AGBL1: variants seen among roughly 807,000 people sequenced by gnomAD.
AGBL1 encodes the protein cytosolic carboxypeptidase 4.
In AGBL1, 130 loss-of-function variants were observed where a neutral mutation model predicts 118.9. That is an observed-to-expected ratio of 1.09 (90% CI 0.95 to 1.26). AGBL1 has a LOEUF of 1.26. AGBL1 is among the 50% of genes most tolerant of loss of function. AGBL1 has a pLI of 0.00. For synonymous variants in AGBL1, 555 were observed against 478.9 expected (o/e 1.16, Z -2.08); for missense variants, 1,584 against 1,298.1 (o/e 1.22, Z -3.38).
At position 86,620,153 on chromosome 15, in the gene AGBL1, G is replaced by A. The variant is rs577205581; in HGVS notation, c.2995-54120G>A. Among the ~76,000 whole-genome samples, 5 of 152,268 alleles carry A rather than the reference G, an allele frequency of 3.3e-5. No homozygotes were observed. The East Asian group carries it at 5.8e-4, about 18-fold the overall frequency. ...CCACAAAATTGGTGGTGTCAGGTAC[G>A]ATTCCCATAAGTAGAAGATGAAAAG... is the stretch of plus-strand genomic sequence containing the variant. On this transcript the variant is annotated intron_variant, in intron 21 of 22. Coordinates refer to ENST00000614907, the MANE Select transcript of AGBL1 (RefSeq NM_001386094.1).
At chr15:86,197,357 G>A (rs867234904) in intron 5 of AGBL1, among the ~76,000 whole-genome samples, 1 of 152,200 alleles carries the variant, frequency 6.6e-6, no homozygotes, top group Non-Finnish European at 1.5e-5. Flanking sequence ...TGGAAAGAAC[G>A]TTGGTAGAAG....
chr15:86,084,275 G>GT (rs1328290882), intron 1 of AGBL1, among the ~76,000 whole-genome samples: 2 of 152,122 alleles, frequency 1.3e-5, no homozygotes, highest in Admixed American at 1.3e-4. Context: ...TTGGTGTTTT[G>GT]TTTTTTAAGA....
chr15:86,276,603 T>C (rs759627543), intron 15 of AGBL1, among the ~76,000 whole-genome samples: 3 of 152,134 alleles, frequency 2.0e-5, no homozygotes, highest in Non-Finnish European at 4.4e-5. Context: ...GTCCTTGCCA[T>C]AAAGTATTGG....
chr15:86,169,299 T>C (rs931991970), intron 5 of AGBL1, among the ~76,000 whole-genome samples: 3 of 152,174 alleles, frequency 2.0e-5, no homozygotes, highest in African/African-American at 2.4e-5. Context: ...AGCGTACTTA[T>C]AGGGAAATTA....
At chr15:86,606,529 GCTT>G (rs1372926760) in intron 21 of AGBL1, among the ~76,000 whole-genome samples, 2 of 152,158 alleles carry the variant, frequency 1.3e-5, no homozygotes, top group Admixed American at 6.6e-5. Flanking sequence ...AATTTAATCT[GCTT>G]TTGTTCTGAA....
At chr15:86,466,804 G>C (rs1171433960) in intron 18 of AGBL1, among the ~76,000 whole-genome samples, 1 of 152,184 alleles carries the variant, frequency 6.6e-6, no homozygotes, top group East Asian at 1.9e-4. Context: ...GATCCTATAT[G>C]CCTGGGTATC....
At chr15:86,547,069 A>T (rs549301305) in intron 20 of AGBL1, among the ~76,000 whole-genome samples, 1 of 152,258 alleles carries the variant, frequency 6.6e-6, no homozygotes, top group Admixed American at 6.5e-5. Flanking sequence ...AGTCCATCAA[A>T]AATAGACTGC....
At chr15:86,103,318 T>A (rs1012096970) in intron 1 of AGBL1, among the ~76,000 whole-genome samples, 1 of 152,248 alleles carries the variant, frequency 6.6e-6, no homozygotes, top group Non-Finnish European at 1.5e-5. Context: ...AATATCAATA[T>A]GTTGAATTCT....
chr15:86,316,528 A>C (rs1452773313), intron 17 of AGBL1, among the ~76,000 whole-genome samples: 1 of 152,160 alleles, frequency 6.6e-6, no homozygotes, highest in Non-Finnish European at 1.5e-5. Context: ...TCCTCTGAGA[A>C]ACCCAGAGGT....
chr15:86,260,043 TC>T (rs757915536), intron 9 of AGBL1, among the ~76,000 whole-genome samples: 24 of 152,210 alleles, frequency 1.6e-4, no homozygotes, highest in Non-Finnish European at 2.8e-4. Flanking sequence ...TGAAAACTAT[TC>T]TTCAAAAGGC....
intron 17 of AGBL1, among the ~76,000 whole-genome samples, chr15:86,332,870 G>A (rs2080297164): frequency 6.6e-6 from 1 of 151,984 alleles, no homozygotes; most frequent in Non-Finnish European, 1.5e-5. Flanking sequence ...GACCACAGTG[G>A]AATAAAAATC....
chr15:86,784,327 T>C (rs1224420996), intron 22 of AGBL1, among the ~76,000 whole-genome samples: 1 of 152,234 alleles, frequency 6.6e-6, no homozygotes, highest in Non-Finnish European at 1.5e-5. Context: ...ATTTGCTTTG[T>C]GAACTGGTCG....
At chr15:86,941,623 G>C (rs76656942) in intron 23 of AGBL1, among the ~76,000 whole-genome samples, 5,030 of 152,284 alleles carry the variant, frequency 0.033, 236 homozygotes, top group African/African-American at 0.11. Context: ...CATCCTGGCA[G>C]ATCTTGCTGG....
chr15:86,869,063 A>T (rs2079681652), intron 22 of AGBL1, among the ~76,000 whole-genome samples: 2 of 152,224 alleles, frequency 1.3e-5, no homozygotes, highest in African/African-American at 4.8e-5. Context: ...CTAGCTGTCA[A>T]CTGCCTTGGT....
At chr15:86,125,932 A>C (rs966784506) in intron 1 of AGBL1, among the ~76,000 whole-genome samples, 4 of 152,184 alleles carry the variant, frequency 2.6e-5, no homozygotes, top group African/African-American at 9.7e-5. Context: ...GAGAAGCCTG[A>C]TGTCCTCTTT....
chr15:86,138,328 G>A (rs146274754), intron 1 of AGBL1: 49 of 152,308 alleles, frequency 3.2e-4, no homozygotes, highest in African/African-American at 1.1e-3. Context: ...GCCCAACCCT[G>A]TTTAGCTTCT....
chr15:86,620,981 G>T (rs938099286), intron 21 of AGBL1, among the ~76,000 whole-genome samples: 12 of 145,554 alleles, frequency 8.2e-5, no homozygotes, highest in African/African-American at 3.1e-4. Context: ...TACTCTCATA[G>T]CTATTGCTGC....
chr15:86,546,174 A>G, intron 20 of AGBL1, 41 bp downstream of exon 20: 1 of 1,570,542 alleles, frequency 6.4e-7, no homozygotes, highest in South Asian at 1.2e-5. Flanking sequence ...TGCTGTGTTC[A>G]TATTCTTCAT....
intron 17 of AGBL1, among the ~76,000 whole-genome samples, chr15:86,324,701 A>T (rs2080158342): frequency 6.6e-6 from 1 of 152,220 alleles, no homozygotes; most frequent in Non-Finnish European, 1.5e-5. Context: ...ATAACAAAAA[A>T]AGTGGGTGGT....
Sources: gnomAD v4.1 joint callset for allele counts (sites outside exome capture counted in the v4.1 genomes callset) on GRCh38, gnomAD v4.1.1 for gene constraint, MANE v1.5 for transcripts, NCBI Gene and HGNC (gene_info 2026-07-23, HGNC 2026-07-21) for gene names.